CSDE1: variants seen among roughly 807,000 people sequenced by gnomAD.
CSDE1 encodes the protein cold shock domain-containing protein E1.
Under a neutral mutation model 89.3 loss-of-function variants are expected in CSDE1, and 17 were observed. The ratio of observed to expected loss-of-function variants is 0.19; its 90% CI spans 0.13 to 0.29. CSDE1 has a LOEUF of 0.29. CSDE1 is among the 10% of genes least tolerant of loss of function. CSDE1 has a pLI of 1.00. For synonymous variants in CSDE1, 322 were observed against 332.8 expected (o/e 0.97, Z 0.35); for missense variants, 672 against 984.2 (o/e 0.68, Z 4.24).
chr1:114,752,060 C>A (rs1324341730), intron 1 of CSDE1, among the ~76,000 whole-genome samples: 1 of 152,076 alleles, frequency 6.6e-6, no homozygotes, highest in Non-Finnish European at 1.5e-5. Context: ...AGCCCAGGAG[C>A]TCCAGACCAG....
At chr1:114,729,514 C>CAAA (rs66566286) in intron 12 of CSDE1, among the ~76,000 whole-genome samples, 2 of 127,238 alleles carry the variant, frequency 1.6e-5, no homozygotes, top group Admixed American at 1.6e-4. Flanking sequence ...CACACAAAAC[C>CAAA]AAAAAAAAAA....
At chr1:114,750,898 C>T (rs1369738690) in intron 1 of CSDE1, among the ~76,000 whole-genome samples, 2 of 152,222 alleles carry the variant, frequency 1.3e-5, no homozygotes, top group Non-Finnish European at 2.9e-5. Flanking sequence ...ATTTTCTAAG[C>T]CCAGCATCAA....
chr1:114,747,837 G>T (rs1018702028), intron 2 of CSDE1, among the ~76,000 whole-genome samples: 2 of 151,378 alleles, frequency 1.3e-5, no homozygotes, highest in African/African-American at 4.9e-5. Flanking sequence ...CAGCCTTGGC[G>T]ACAGAGCAAG....
In CSDE1 at chr1:114,732,587, T is replaced by C. The variant is rs1660163067; in HGVS notation, c.1050+17A>G. The C allele has an allele frequency of 6.2e-7, 1 of 1,608,662 alleles. No individual in the cohort carries two copies. On this transcript the variant is annotated intron_variant, in intron 10 of 19. Transcript: ENST00000358528. ...TTTCGCATATTAGATACATATCCAGTAATATCCAACACTTACCATTTCTCG... is the reference window on the plus strand; with the variant it reads ...TTTCGCATATTAGATACATATCCAGCAATATCCAACACTTACCATTTCTCG...
At position 114,746,405 on chromosome 1, in the gene CSDE1, G is replaced by A. The variant is rs923485681; in HGVS notation, c.-1+3416C>T. The stretch of plus-strand genomic sequence containing the variant: ...TCTTTCAGTTCCTCCGTAATGGATC[G>A]TTTGTTCCCAAATAAAAAAACTATA... On this transcript the variant is annotated intron_variant, in intron 2 of 19. Coordinates refer to ENST00000358528, the MANE Select transcript of CSDE1 (RefSeq NM_001007553.3). The A allele has an allele frequency of 3.9e-5, 6 of 151,962 alleles. No individual in the cohort carries two copies. In the Middle Eastern group the frequency reaches 0.01, roughly 258 times the overall value. 9.4% of individuals were successfully genotyped at this position (151,962 alleles called of 1,614,324 possible). A position where few individuals can be genotyped will look rare whatever the true frequency, so the allele number is the denominator to read the frequency against.
intron 9 of CSDE1, among the ~76,000 whole-genome samples, chr1:114,733,396 T>C (rs1054830930): frequency 6.6e-6 from 1 of 151,926 alleles, no homozygotes; most frequent in Non-Finnish European, 1.5e-5. Flanking sequence ...TGTGGTGGCA[T>C]GCCCTTGTAG....
chr1:114,738,824 C>T (rs770295333), intron 3 of CSDE1, among the ~76,000 whole-genome samples: 40 of 151,756 alleles, frequency 2.6e-4, no homozygotes, highest in Non-Finnish European at 5.6e-4. Context: ...GCACATGTCA[C>T]GTTCCTCAGC....
chr1:114,727,480 T>A (rs938355891), intron 12 of CSDE1, among the ~76,000 whole-genome samples: 3 of 152,196 alleles, frequency 2.0e-5, no homozygotes, highest in Non-Finnish European at 4.4e-5. Flanking sequence ...TGAAGTATCC[T>A]CTTTTAGTAG....
chr1:114,730,924 T>A (rs148689556), intron 10 of CSDE1, among the ~76,000 whole-genome samples: 1 of 152,190 alleles, frequency 6.6e-6, no homozygotes, highest in Non-Finnish European at 1.5e-5. Flanking sequence ...GTGAACACAA[T>A]GTATTTCATA....
intron 2 of CSDE1, among the ~76,000 whole-genome samples, chr1:114,747,924 G>A (rs1189761477): frequency 6.6e-6 from 1 of 151,992 alleles, no homozygotes; most frequent in Non-Finnish European, 1.5e-5. Context: ...TTCAATTTGT[G>A]TTAATCTTCC....
At position 114,730,412 on chromosome 1, in the gene CSDE1, G is replaced by A. The variant is rs1230709037; in HGVS notation, c.1202C>T (p.Ser401Phe). The A allele has an allele frequency of 3.1e-6, 5 of 1,613,662 alleles. No individual in the cohort carries two copies. In the Admixed American group the frequency reaches 5.0e-5, roughly 16 times the overall value. ...CCTAATAGCATGATTTCTTTGAGCA[G>A]AGAGCATATCCTAAAAATGATAAAA... is the stretch of plus-strand genomic sequence containing the variant. The part of the protein sequence containing the change: ...VEFTVVPDML[S>F]AQRNHAIRIK... The change falls in exon 12 of 20, where the codon TCT becomes TTT. Residue 401 changes from serine (S) to phenylalanine (F), a missense_variant. By Grantham distance (155) the Ser-to-Phe change is radical. Coordinates refer to ENST00000358528, the MANE Select transcript of CSDE1 (RefSeq NM_001007553.3).
chr1:114,723,273 T>A (rs765725587), intron 16 of CSDE1, among the ~76,000 whole-genome samples: 9 of 152,228 alleles, frequency 5.9e-5, no homozygotes, highest in Non-Finnish European at 1.3e-4. Flanking sequence ...TGTATTTATT[T>A]TATGCATACA....
chr1:114,741,800 C>T (rs1310459282), intron 2 of CSDE1: 1 of 657,856 alleles, frequency 1.5e-6, no homozygotes, highest in East Asian at 3.0e-5. Context: ...ACAGGAAATA[C>T]ATAGAATTAA....
intron 10 of CSDE1, 131 bp downstream of exon 10, chr1:114,732,473 A>T: frequency 1.3e-6 from 1 of 767,552 alleles, no homozygotes; most frequent in Non-Finnish European, 2.1e-6. Flanking sequence ...TATGATTCTT[A>T]ATCACCTTAA....
intron 12 of CSDE1, 56 bp from the exon 13 acceptor site, chr1:114,727,146 A>G: frequency 8.3e-7 from 1 of 1,199,896 alleles, no homozygotes; most frequent in African/African-American, 1.5e-5. Context: ...AAAAACCAAT[A>G]AAAACAACTA....
Position 114,719,207 on chromosome 1 carries a change from G to C in CSDE1, c.2216+372C>G, listed in dbSNP as rs1263771414. Among the ~76,000 whole-genome samples the C allele has an allele frequency of 2.6e-5, 4 of 152,200 alleles. No homozygotes were observed. The South Asian group carries it at 8.3e-4, about 31-fold the overall frequency. Reference sequence around the variant, plus strand: ...GCTTGTAGTCCCAGCTACTGGGGAAGCTGACGTGGGAGAATTGCTTAGGCC... The same window carrying C: ...GCTTGTAGTCCCAGCTACTGGGGAACCTGACGTGGGAGAATTGCTTAGGCC... On this transcript the variant is annotated intron_variant, in intron 18 of 19. Coordinates refer to ENST00000358528, the MANE Select transcript of CSDE1 (RefSeq NM_001007553.3).
chr1:114,738,661 CTTTTTTT>C (rs752985259), intron 3 of CSDE1, among the ~76,000 whole-genome samples: 1,115 of 79,910 alleles, frequency 0.014, 2 homozygotes, highest in Admixed American at 0.026. Context: ...CATGTAAAAA[CTTTTTTT>C]TTTTTTTTTT....
At chr1:114,755,729 TAAG>T (rs546136583) in intron 1 of CSDE1, among the ~76,000 whole-genome samples, 177 of 152,348 alleles carry the variant, frequency 1.2e-3, no homozygotes, top group African/African-American at 3.8e-3. Context: ...AGGACAAAGC[TAAG>T]AAGAAGGCAC....
rs774172953 is a variant in CSDE1 at position 114,734,022 on chromosome 1, G to T, written c.678C>A (p.Gly226=). Residue 226 remains glycine, a synonymous_variant, in exon 8 of 20, where the codon GGC becomes GGA. Coordinates refer to ENST00000358528, the MANE Select transcript of CSDE1 (RefSeq NM_001007553.3). ...CCTTGATTGTGAATTCCACATCATC[G>T]CCAGGCTGTAAGGTTTCTAAGTCAC... is the stretch of plus-strand genomic sequence containing the variant. ...FKGDLETLQP[G]DDVEFTIKDR... The T allele has an allele frequency of 3.1e-6, 5 of 1,613,026 alleles. No individual in the cohort carries two copies. The Admixed American group carries it at 8.3e-5, about 27-fold the overall frequency.
Sources: allele counts gnomAD v4.1 joint callset (sites outside exome capture counted in the v4.1 genomes callset), GRCh38; gene constraint gnomAD v4.1.1; transcripts MANE v1.5; gene names NCBI Gene and HGNC (gene_info 2026-07-23, HGNC 2026-07-21).